VPS9D1: variants seen among roughly 807,000 people sequenced by gnomAD.
The protein encoded by VPS9D1 is VPS9 domain-containing protein 1.
In VPS9D1, 78 loss-of-function variants were observed where a neutral mutation model predicts 75.8. The ratio of observed to expected loss-of-function variants is 1.03; its 90% CI spans 0.86 to 1.24. The LOEUF is 1.24. VPS9D1 is among the 50% of genes most tolerant of loss of function. The probability of loss-of-function intolerance (pLI) is 0.00; values close to 1 mark genes in which losing one functional copy is unlikely to be tolerated. For missense variants in VPS9D1, 1,057 were observed against 847.7 expected (o/e 1.25, Z -3.07); for synonymous variants, 481 against 385.6 (o/e 1.25, Z -2.90).
chr16:89,711,799 C>CCG, intron 8 of VPS9D1, 83 bp downstream of exon 8: 2 of 1,475,806 alleles, frequency 1.4e-6, no homozygotes, highest in Non-Finnish European at 9.2e-7. Flanking sequence ...GCTCCGCCCC[C>CCG]CACGGGGGCC....
Position 89,720,785 on chromosome 16 carries a change from A to G in VPS9D1, c.77T>C (p.Leu26Pro). Residue 26 changes from leucine (L) to proline (P), a missense_variant, in exon 1 of 15, where the codon CTG (leucine) becomes CCG (proline). By Grantham distance (98) the Leu-to-Pro change is moderately conservative (BLOSUM62 -3). Coordinates refer to ENST00000389386, the MANE Select transcript of VPS9D1 (RefSeq NM_004913.3). Reference protein sequence around the residue: ...AMKLANGAIELDTGNRPREAY... With the variant: ...AMKLANGAIEPDTGNRPREAY... ...CACCCGGGGCCGGTTGCCGGTGTCCAGCTCGATGGCCCCGTTGGCAAGCTT... is the reference window on the plus strand; with the variant it reads ...CACCCGGGGCCGGTTGCCGGTGTCCGGCTCGATGGCCCCGTTGGCAAGCTT... 4.8e-6 allele frequency: 7 copies of G among 1,458,560 alleles called. 1 individual carries two copies. The highest frequency in any genetic ancestry group is 3.6e-6 in the Non-Finnish European group (4 of 1,102,002). 90.4% of individuals were successfully genotyped at this position (1,458,560 alleles called of 1,614,324 possible).
intron 8 of VPS9D1, 101 bp from the exon 9 acceptor site, chr16:89,711,513 G>A (rs1049955685): frequency 1.7e-6 from 2 of 1,176,320 alleles, no homozygotes; most frequent in South Asian, 1.6e-5. Context: ...GTGGGAGCCC[G>A]TCCTGGGGTG....
chr16:89,716,489 T>C lies in VPS9D1; in HGVS notation c.404A>G (p.Gln135Arg), dbSNP rs1597926293. Residue 135 changes from glutamine to arginine, a missense_variant, in exon 4 of 15, where the codon CAG (glutamine) becomes CGG (arginine). By Grantham distance (43) the Gln-to-Arg change is conservative. Transcript: ENST00000389386. ...CTTACAGCTTTGTGACTCTGCCCCCTGAAGCTTCTGGAAGATCTCGGGTGG... is the reference window on the plus strand; with the variant it reads ...CTTACAGCTTTGTGACTCTGCCCCCCGAAGCTTCTGGAAGATCTCGGGTGG... Reference protein sequence around the residue: ...FLPPEIFQKLQGAESQSCKKE... With the variant: ...FLPPEIFQKLRGAESQSCKKE... 1 of 1,614,056 alleles carries C rather than the reference T, an allele frequency of 6.2e-7. No individual in the cohort carries two copies. The highest frequency in any genetic ancestry group is 1.7e-5 in the Admixed American group (1 of 60,014).
At chr16:89,709,025 G>GCGCCC in intron 12 of VPS9D1, 69 bp from the exon 13 acceptor site, 2 of 627,190 alleles carry the variant, frequency 3.2e-6, no homozygotes, top group Non-Finnish European at 2.0e-6. Context: ...CTTATACCCC[G>GCGCCC]CCCACCCACC....
intron 1 of VPS9D1, chr16:89,719,344 A>C (rs550648981): frequency 2.2e-4 from 133 of 601,804 alleles, no homozygotes; most frequent in East Asian, 1.0e-3. Context: ...AGAGAGAGAG[A>C]GAGCCAGGGA....
At chr16:89,716,849 ACAGT>A in intron 2 of VPS9D1, 27 bp from the exon 3 acceptor site, 1 of 1,569,250 alleles carries the variant, frequency 6.4e-7, no homozygotes. Context: ...AAGGCTGGTC[ACAGT>A]CGGCTCTACC....
Position 89,716,582 on chromosome 16 carries a change from A to T in VPS9D1, c.311T>A (p.Ile104Asn). ...LKPTMPAAAP[I>N]PQPAGRHRRV... ...GCGGTGTCGGCCGGCAGGCTGGGGA[A>T]TGGGAGCAGCTGCAGGCATGGTTGG... The change falls in exon 4 of 15, where the codon ATT (isoleucine) becomes AAT (asparagine). Residue 104 changes from isoleucine to asparagine, a missense_variant. By Grantham distance (149) the Ile-to-Asn change is moderately radical. Transcript: ENST00000389386. The T allele has an allele frequency of 6.2e-7, 1 of 1,613,524 alleles. No individual in the cohort carries two copies. The highest frequency in any genetic ancestry group is 8.5e-7 in the Non-Finnish European group (1 of 1,179,816).
chr16:89,711,757 C>T (rs2060930860), intron 8 of VPS9D1, 125 bp downstream of exon 8: 3 of 1,199,936 alleles, frequency 2.5e-6, no homozygotes, highest in South Asian at 1.5e-5. Flanking sequence ...GGGCCTCTGG[C>T]CCCGCCCCCT....
In VPS9D1 at chr16:89,707,856, C is replaced by A; in HGVS notation, c.*5G>T. On this transcript the variant is annotated 3_prime_UTR_variant, in exon 15 of 15. Transcript: ENST00000389386. ...GCCCTGCAGGGACCCTGGGCTCTAG[C>A]TGTACTACTTGGCCAGGCCTCCCCG... The A allele has an allele frequency of 6.2e-7, 1 of 1,612,924 alleles. No homozygotes were observed. The highest frequency in any genetic ancestry group is 8.5e-7 in the Non-Finnish European group (1 of 1,179,866).
At chr16:89,720,274 G>A (rs1740705365) in intron 1 of VPS9D1, 1 of 456,606 alleles carries the variant, frequency 2.2e-6, no homozygotes, top group African/African-American at 2.1e-5. Flanking sequence ...CTTAGATTCG[G>A]CCCCATCTCA....
chr16:89,707,617 C>G lies in VPS9D1; in HGVS notation c.*244G>C, dbSNP rs1050915682. Reference sequence around the variant, plus strand: ...CTACACAGGAGAGCAGGGCCTGGTTCCTCCTGGAGCTGATTCAGCCCCATT... The same window carrying G: ...CTACACAGGAGAGCAGGGCCTGGTTGCTCCTGGAGCTGATTCAGCCCCATT... On this transcript the variant is annotated 3_prime_UTR_variant, in exon 15 of 15. Transcript: ENST00000389386. 28 of 492,208 alleles carry G rather than the reference C, an allele frequency of 5.7e-5. No individual in the cohort carries two copies. The East Asian group carries it at 9.8e-4, about 17-fold the overall frequency. 30.5% of individuals were successfully genotyped at this position (492,208 alleles called of 1,614,324 possible).
chr16:89,711,426 G>T lies in VPS9D1; in HGVS notation c.748-14C>A, dbSNP rs989694237. On this transcript the variant is annotated splice_polypyrimidine_tract_variant and intron_variant, in intron 8 of 14. Transcript: ENST00000389386. The stretch of plus-strand genomic sequence containing the variant: ...CTTCGGCCAGTCCTACGGGACAGGG[G>T]GCCTTGAAGGAAAGCACGGTGGGTC... 3.1e-6 allele frequency: 5 copies of T among 1,596,322 alleles called. No individual in the cohort carries two copies. Among genetic ancestry groups the T allele is most frequent in the Non-Finnish European group, 2.6e-6 (3 of 1,171,558 alleles).
chr16:89,713,253 C>CT (rs1048430100), intron 4 of VPS9D1, among the ~76,000 whole-genome samples: 3 of 151,800 alleles, frequency 2.0e-5, no homozygotes, highest in Admixed American at 1.3e-4. Context: ...TTTGGTTTTT[C>CT]TTTTTTTCTT....
At chr16:89,709,462 C>G (rs1232321699) in intron 11 of VPS9D1, 27 bp from the exon 12 acceptor site, 1 of 1,496,768 alleles carries the variant, frequency 6.7e-7, no homozygotes, top group South Asian at 1.3e-5. Context: ...CCAGGCTAAG[C>G]TGCCCCAGGG....
chr16:89,719,223 C>T, intron 1 of VPS9D1, 121 bp from the exon 2 acceptor site: 1 of 921,970 alleles, frequency 1.1e-6, no homozygotes, highest in Non-Finnish European at 1.8e-6. Context: ...CTCTGAGATA[C>T]ACCCAGAGAC....
intron 4 of VPS9D1, among the ~76,000 whole-genome samples, chr16:89,715,662 C>T (rs529064943): frequency 6.6e-6 from 1 of 151,742 alleles, no homozygotes; most frequent in East Asian, 2.0e-4. Flanking sequence ...GTTGGGACTA[C>T]AGGGGCACAC....
intron 13 of VPS9D1, 96 bp from the exon 14 acceptor site, chr16:89,708,627 A>G: frequency 7.4e-7 from 1 of 1,346,942 alleles, no homozygotes; most frequent in Non-Finnish European, 1.0e-6. Context: ...GCTGGCCGCC[A>G]TCTCTGTGCC....
At chr16:89,709,037 A>AC in intron 12 of VPS9D1, 81 bp from the exon 13 acceptor site, 4 of 458,516 alleles carry the variant, frequency 8.7e-6, no homozygotes, top group Non-Finnish European at 8.3e-6. Flanking sequence ...CCACCCACCC[A>AC]CCTCCTGATG....
At chr16:89,711,747 G>T in intron 8 of VPS9D1, 135 bp downstream of exon 8, 1 of 975,238 alleles carries the variant, frequency 1.0e-6, no homozygotes, top group Non-Finnish European at 1.5e-6. Flanking sequence ...GCCCTCCCAC[G>T]GGCCTCTGGC....
Sources: gnomAD v4.1 joint callset for allele counts (sites outside exome capture counted in the v4.1 genomes callset) on GRCh38, gnomAD v4.1.1 for gene constraint, MANE v1.5 for transcripts, NCBI Gene and HGNC (gene_info 2026-07-23, HGNC 2026-07-21) for gene names.